The following ZNF581 variants were observed in gnomAD, a reference collection of about 807,000 sequenced individuals.
The protein encoded by ZNF581 is zinc finger protein 581.
ZNF581 carries 1 observed loss-of-function variant against 1.2 expected under a neutral mutation model. That is an observed-to-expected ratio of 0.83 (90% confidence interval 0.30 to 3.95). The LOEUF (loss-of-function observed/expected upper bound fraction) is 3.95. Ranked by LOEUF, ZNF581 falls within the 30% of genes most tolerant of loss-of-function variation. The pLI is 0.18. For missense variants in ZNF581, 273 were observed against 274.6 expected, an observed-to-expected ratio of 0.99 and a Z score of 0.04; for synonymous variants, 105 against 109.2, an observed-to-expected ratio of 0.96 and a Z score of 0.24.
At chr19:55,635,694 C>T (rs1244918569) in exon 1 of ZNF581, 1 of 988,048 alleles carries the variant, frequency 1.0e-6, no homozygotes, top group Non-Finnish European at 1.2e-6. Flanking sequence ...GAATGATTCG[C>T]TGCAGCTGTC....
chr19:55,639,793 T>C (rs879316896), upstream of ZNF581, among the ~76,000 whole-genome samples: 4 of 152,136 alleles, frequency 2.6e-5, no homozygotes, highest in Admixed American at 2.0e-4. Context: ...ATTTTTGTAC[T>C]TTTAGTAGAG....
upstream of ZNF581, chr19:55,642,306 A>T: frequency 8.0e-7 from 1 of 1,255,864 alleles, no homozygotes. Context: ...GCTCAGTTGG[A>T]GGCCCTCTCC....
upstream of ZNF581, chr19:55,640,406 C>T (rs1982380371): frequency 1.0e-6 from 1 of 985,388 alleles, no homozygotes; most frequent in Non-Finnish European, 1.2e-6. Flanking sequence ...TCTGGCAAAG[C>T]CTGGCCTTCG....
upstream of ZNF581, chr19:55,641,177 G>C: frequency 1.0e-6 from 1 of 985,388 alleles, no homozygotes; most frequent in Non-Finnish European, 1.2e-6. Context: ...AGAGGCCGCC[G>C]CACGGGGTAC....
In ZNF581 at chr19:55,644,533, T is replaced by A. The variant is rs1258794526; in HGVS notation, c.-19-20T>A. 1.4e-6 allele frequency: 2 copies of A among 1,468,874 alleles called. No individual in the cohort carries two copies. The highest frequency in any genetic ancestry group is 1.8e-6 in the Non-Finnish European group (2 of 1,090,424). The allele number at this position is 1,468,874 out of a possible 1,614,324, so 91.0% of individuals were successfully genotyped here. Reference sequence around the variant, plus strand: ...TGCCCTCTTCTATATAACCTTCTTATCCCATCTCCCATCCACCAGGCCTCA... The same window carrying A: ...TGCCCTCTTCTATATAACCTTCTTAACCCATCTCCCATCCACCAGGCCTCA... On this transcript the variant is annotated intron_variant, in intron 1 of 1. Transcript: ENST00000270451. The surrounding 1 kb of genome is among the most constrained non-coding windows in gnomAD (Gnocchi z 4.3).
upstream of ZNF581, chr19:55,642,521 C>G (rs1005818255): frequency 7.0e-7 from 1 of 1,438,740 alleles, no homozygotes; most frequent in Non-Finnish European, 9.1e-7. Context: ...GCTGCTGCTG[C>G]CGCCGCGGCC....
At chr19:55,640,459 C>T (rs986610207), upstream of ZNF581, 1 of 985,500 alleles carries the variant, frequency 1.0e-6, no homozygotes, top group Non-Finnish European at 1.2e-6. Flanking sequence ...AATATCACAC[C>T]TCCCCACCTG....
upstream of ZNF581, among the ~76,000 whole-genome samples, chr19:55,637,316 G>A (rs1281490160): frequency 5.9e-5 from 9 of 152,208 alleles, no homozygotes; most frequent in Middle Eastern, 3.4e-3. Context: ...CAGGCGGATC[G>A]CTTGAGGCCA....
At position 55,645,226 on chromosome 19, in the gene ZNF581, A is replaced by G; in HGVS notation, c.*61A>G. ...TTGCAGGGAGCCTGGACTCCTGTCC[A>G]GACACCTGGTGAGAGCCTGAGGCTG... On this transcript the variant is annotated 3_prime_UTR_variant, in exon 2 of 2. Coordinates refer to ENST00000270451, the MANE Select transcript of ZNF581 (RefSeq NM_016535.4). 8 of 1,424,758 alleles carry G rather than the reference A, an allele frequency of 5.6e-6. No individual in the cohort carries two copies. Among genetic ancestry groups the G allele is most frequent in the Non-Finnish European group, 7.5e-6 (8 of 1,059,928 alleles). The allele number at this position is 1,424,758 out of a possible 1,614,324, so 88.3% of individuals were successfully genotyped here.
At chr19:55,643,948 C>G (rs1982700755) in intron 1 of ZNF581, 174 bp downstream of exon 1, 1 of 152,450 alleles carries the variant, frequency 6.6e-6, no homozygotes, top group African/African-American at 2.4e-5. Context: ...GGCTGCGGCC[C>G]CGGGGGTGGA....
upstream of ZNF581, chr19:55,642,315 C>T: frequency 1.6e-6 from 2 of 1,260,610 alleles, no homozygotes; most frequent in Non-Finnish European, 2.0e-6. Context: ...GAGGCCCTCT[C>T]CGAGGCAGCT....
chr19:55,641,090 A>C (rs1263214419), upstream of ZNF581: 2 of 985,228 alleles, frequency 2.0e-6, no homozygotes, highest in Non-Finnish European at 2.4e-6. Flanking sequence ...GCTGCCCGGA[A>C]GTCTCGGTTC....
chr19:55,635,098 C>T (rs1982021048), upstream of ZNF581: 1 of 152,164 alleles, frequency 6.6e-6, no homozygotes, highest in Admixed American at 6.5e-5. Flanking sequence ...TGACGGCATT[C>T]TTAAGAGTCC....
chr19:55,642,875 G>T (rs745308573), upstream of ZNF581: 6 of 1,565,076 alleles, frequency 3.8e-6, no homozygotes, highest in Middle Eastern at 1.7e-4. Context: ...CTTCACGTGC[G>T]GCGCCTGCGG....
chr19:55,643,147 C>T (rs1427246147), upstream of ZNF581: 2 of 1,184,290 alleles, frequency 1.7e-6, no homozygotes, highest in Non-Finnish European at 2.1e-6. Flanking sequence ...TTACCCTGGG[C>T]CTCAGTTTCC....
At chr19:55,642,714 T>C, upstream of ZNF581, 1 of 1,503,220 alleles carries the variant, frequency 6.7e-7, no homozygotes, top group East Asian at 2.6e-5. Flanking sequence ...ACGGTGCAGC[T>C]GGAGGAGGAG....
upstream of ZNF581, among the ~76,000 whole-genome samples, chr19:55,637,351 CAG>C (rs2123616864): frequency 1.3e-5 from 2 of 152,232 alleles, no homozygotes; most frequent in Admixed American, 6.5e-5. Context: ...GTCTGGGCAA[CAG>C]GGTGAAACCC....
At chr19:55,640,585 C>G (rs543016658), upstream of ZNF581, 300 of 985,496 alleles carry the variant, frequency 3.0e-4, no homozygotes, top group Middle Eastern at 4.2e-3. Flanking sequence ...TCGGCCTCCC[C>G]ATTTGCTGGG....
At chr19:55,636,924 A>G (rs935277281), upstream of ZNF581, among the ~76,000 whole-genome samples, 1 of 152,112 alleles carries the variant, frequency 6.6e-6, no homozygotes, top group Non-Finnish European at 1.5e-5. Context: ...AGCCAGCACC[A>G]TGGTGCCCAG....
Sources: allele counts gnomAD v4.1 joint callset (sites outside exome capture counted in the v4.1 genomes callset), GRCh38; gene constraint gnomAD v4.1.1; non-coding constraint Gnocchi (gnomAD v3.1); transcripts MANE v1.5; gene names NCBI Gene and HGNC (gene_info 2026-07-23, HGNC 2026-07-21).